PRMT1: variants seen among roughly 807,000 people sequenced by gnomAD.
PRMT1 encodes protein arginine N-methyltransferase 1.
A neutral mutation model predicts 47.4 loss-of-function variants in PRMT1; 5 were observed. The observed-to-expected ratio is 0.11, with a 90% CI of 0.06 to 0.22. The LOEUF is 0.22. Ranked by LOEUF, PRMT1 falls within the 10% of genes least tolerant of loss-of-function variation. PRMT1 has a pLI of 1.00. For synonymous variants in PRMT1, 227 were observed against 204.6 expected (o/e 1.11, Z -0.94); for missense variants, 249 against 518.4 (o/e 0.48, Z 5.05).
Position 49,684,939 on chromosome 19 carries a change from G to A in PRMT1, c.661G>A (p.Gly221Ser). ...CTCCCCAGGGTGGGAGAACGTGTAT[G>A]GCTTCGACATGTCTTGCATCAAAGA... ...YKIHWWENVY[G>S]FDMSCIKDVA... Residue 221 changes from glycine to serine, a missense_variant, in exon 8 of 11, where the codon GGC becomes AGC. By Grantham distance (56) the Gly-to-Ser change is moderately conservative. Transcript: ENST00000454376. This position sits in a 1 kb window ranked among gnomAD's most constrained non-coding sequence, Gnocchi z 6.2. 6.2e-7 allele frequency: 1 copy of A among 1,600,334 alleles called. No homozygotes were observed.
Position 49,686,666 on chromosome 19 carries a change from C to A in PRMT1, c.972C>A (p.Thr324=). 1 of 1,612,244 alleles carries A rather than the reference C, an allele frequency of 6.2e-7. No individual in the cohort carries two copies. Among genetic ancestry groups the A allele is most frequent in the Non-Finnish European group, 8.5e-7 (1 of 1,179,524 alleles). Residue 324 remains threonine (T), a synonymous_variant, in exon 10 of 11, where the codon ACC becomes ACA. Coordinates refer to ENST00000454376, the MANE Select transcript of PRMT1 (RefSeq NM_001536.6). ...TGTTCTACATGGAGGACTACCTGAC[C>A]GTGAAGACGGGCGAGGAGATCTTCG... The part of the protein sequence containing the change: ...QTVFYMEDYL[T]VKTGEEIFGT...
rs1208322725 is a variant in PRMT1, at chr19:49,684,867, G to A, written c.643+26G>A. On this transcript the variant is annotated intron_variant, in intron 7 of 10. Transcript: ENST00000454376. This position sits in a 1 kb window ranked among gnomAD's most constrained non-coding sequence, Gnocchi z 6.2. Reference sequence around the variant, plus strand: ...GTGAGCGCGGCCCGGGAGCTGGCGGGCGGGGCCTCGGGTGGGCTGCTGCGG... The same window carrying A: ...GTGAGCGCGGCCCGGGAGCTGGCGGACGGGGCCTCGGGTGGGCTGCTGCGG... 1.9e-6 allele frequency: 3 copies of A among 1,611,238 alleles called. No individual in the cohort carries two copies. In the African/African-American group the frequency reaches 4.0e-5, roughly 22 times the overall value.
At chr19:49,682,531 C>T (rs558121682) in intron 5 of PRMT1, among the ~76,000 whole-genome samples, 3 of 152,326 alleles carry the variant, frequency 2.0e-5, no homozygotes, top group Admixed American at 6.5e-5. Flanking sequence ...CAGTGAGAAG[C>T]CTTCCCTGTT....
At chr19:49,677,179 C>A, upstream of PRMT1, 2 of 1,165,042 alleles carry the variant, frequency 1.7e-6, no homozygotes, top group Non-Finnish European at 2.2e-6. Context: ...CCAGCGGGGT[C>A]GCGGTAGGCG....
At chr19:49,686,805 A>AATGGTGGC (rs1317573944) in intron 10 of PRMT1, 79 bp downstream of exon 10, 3 of 50,274 alleles carry the variant, frequency 6.0e-5, no homozygotes, top group Non-Finnish European at 1.0e-4. Flanking sequence ...GTGGGGGAGG[A>AATGGTGGC]ATGGTGGCAG....
At chr19:49,677,248 T>C (rs771084315), upstream of PRMT1, 6 of 1,414,368 alleles carry the variant, frequency 4.2e-6, no homozygotes, top group Admixed American at 5.5e-5. Flanking sequence ...GGGGGGGTCT[T>C]GGCGGCCGGA....
At position 49,686,591 on chromosome 19, in the gene PRMT1, G is replaced by T. The variant is rs373083320; in HGVS notation, c.911-14G>T. 6.2e-6 allele frequency: 10 copies of T among 1,607,330 alleles called. No homozygotes were observed. In the African/African-American group the frequency reaches 1.1e-4, roughly 17 times the overall value. The stretch of plus-strand genomic sequence containing the variant: ...GCAGCAGGCCGAGGCCGGCTGACCC[G>T]CCCGCGCCCCCAGGCCCCGAGTCCC... On this transcript the variant is annotated splice_polypyrimidine_tract_variant and intron_variant, in intron 9 of 10. Coordinates refer to ENST00000454376, the MANE Select transcript of PRMT1 (RefSeq NM_001536.6).
chr19:49,685,923 C>T lies in PRMT1; in HGVS notation c.760-170C>T, dbSNP rs76192820. On this transcript the variant is annotated intron_variant, in intron 8 of 10. Coordinates refer to ENST00000454376, the MANE Select transcript of PRMT1 (RefSeq NM_001536.6). This position sits in a 1 kb window ranked among gnomAD's most constrained non-coding sequence, Gnocchi z 4.7. ...CGAACCCACATGGTTTATTGGGAGCCGGATAGGCAGGATGCAGAGTGAAGG... is the reference window on the plus strand; with the variant it reads ...CGAACCCACATGGTTTATTGGGAGCTGGATAGGCAGGATGCAGAGTGAAGG... 2.0e-3 allele frequency: 2,891 copies of T among 1,430,034 alleles called. 54 individuals are homozygous for T. The African/African-American group carries it at 0.035, about 18-fold the overall frequency. 88.6% of individuals were successfully genotyped at this position (1,430,034 alleles called of 1,614,324 possible).
chr19:49,681,260 G>A lies in PRMT1; in HGVS notation c.193-650G>A, dbSNP rs1287520604. Among the ~76,000 whole-genome samples, 2 of 152,112 alleles carry A rather than the reference G, an allele frequency of 1.3e-5. No individual in the cohort carries two copies. Among genetic ancestry groups the A allele is most frequent in the Admixed American group, 6.5e-5 (1 of 15,276 alleles). On this transcript the variant is annotated intron_variant, in intron 3 of 10. Transcript: ENST00000454376. The surrounding 1 kb of genome is among the most constrained non-coding windows in gnomAD (Gnocchi z 4.4). ...GAGATAATCTTGCCTTGTTGCCCAG[G>A]CTGGTCTCAAACTCTTGGGATCAAG... is the stretch of plus-strand genomic sequence containing the variant.
chr19:49,684,142 T>G lies in PRMT1; in HGVS notation c.555+73T>G. The G allele has an allele frequency of 6.3e-7, 1 of 1,584,008 alleles. No homozygotes were observed. Among genetic ancestry groups the G allele is most frequent in the African/African-American group, 1.3e-5 (1 of 74,404 alleles). On this transcript the variant is annotated intron_variant, in intron 6 of 10. Transcript: ENST00000454376. The surrounding 1 kb of genome is among the most constrained non-coding windows in gnomAD (Gnocchi z 6.2). ...GTAGAAGACGAAAACCACGCTCAAT[T>G]TTTCCCACAGACGGGACTTACTGTG...
Position 49,679,924 on chromosome 19 carries a change from A to T in PRMT1, c.89A>T (p.Glu30Val). ...ATGAGCCTCCAGCCGCCTCTTGAAG[A>T]AGTAAATATCCTTTTGTGAGACCCC... ...NGMSLQPPLE[E>V]VSCGQAESSE... The change falls in exon 2 of 11, where the codon GAA becomes GTA. Residue 30 changes from glutamate (E) to valine (V), a missense_variant and splice_region_variant. Coordinates refer to ENST00000454376, the MANE Select transcript of PRMT1 (RefSeq NM_001536.6). 1 of 1,611,580 alleles carries T rather than the reference A, an allele frequency of 6.2e-7. No individual in the cohort carries two copies. The highest frequency in any genetic ancestry group is 1.1e-5 in the South Asian group (1 of 90,740).
Position 49,684,659 on chromosome 19 carries a change from G to A in PRMT1, c.556-95G>A. ...GTGAGTGCCGCTGCGACATGAGGGT[G>A]GCCCAGACCAGGGCAGGAGGCCACA... On this transcript the variant is annotated intron_variant, in intron 6 of 10. Transcript: ENST00000454376. This position sits in a 1 kb window ranked among gnomAD's most constrained non-coding sequence, Gnocchi z 6.2. 1 of 1,344,332 alleles carries A rather than the reference G, an allele frequency of 7.4e-7. No homozygotes were observed. Among genetic ancestry groups the A allele is most frequent in the Non-Finnish European group, 1.0e-6 (1 of 970,156 alleles). 83.3% of individuals were successfully genotyped at this position (1,344,332 alleles called of 1,614,324 possible). A position where few individuals can be genotyped will look rare whatever the true frequency, so the allele number is the denominator to read the frequency against.
rs2082120993 is a variant in PRMT1, at chr19:49,681,708, A to C, written c.193-202A>C. Among the ~76,000 whole-genome samples the C allele has an allele frequency of 6.6e-6, 1 of 152,182 alleles. No individual in the cohort carries two copies. The highest frequency in any genetic ancestry group is 1.5e-5 in the Non-Finnish European group (1 of 68,038). On this transcript the variant is annotated intron_variant, in intron 3 of 10. Transcript: ENST00000454376. The surrounding 1 kb of genome is among the most constrained non-coding windows in gnomAD (Gnocchi z 4.4). The stretch of plus-strand genomic sequence containing the variant: ...AGCTGAGATTGCACCATTGCACTCC[A>C]GCCTGGGCAACAGAGTGAGATTCCA...
At chr19:49,682,327 T>G in intron 5 of PRMT1, 68 bp downstream of exon 5, 1 of 1,513,786 alleles carries the variant, frequency 6.6e-7, no homozygotes, top group Non-Finnish European at 9.1e-7. Context: ...CAGGGCCCTC[T>G]GAAGAGCAGT....
chr19:49,681,999 C>CGTCG lies in PRMT1; in HGVS notation c.284_287dup (p.Ser97ArgfsTer29). ...TCTTCAAGGACAAGGTGGTGCTGGA[C>CGTCG]GTCGGCTCGGGCACCGGCATCCTCT... On this transcript the variant is annotated frameshift_variant, in exon 4 of 11. Transcript: ENST00000454376. LOFTEE classifies it high-confidence loss of function. This position sits in a 1 kb window ranked among gnomAD's most constrained non-coding sequence, Gnocchi z 4.4. The CGTCG allele has an allele frequency of 1.9e-6, 3 of 1,614,174 alleles. No individual in the cohort carries two copies. Among genetic ancestry groups the CGTCG allele is most frequent in the Non-Finnish European group, 2.5e-6 (3 of 1,180,026 alleles).
rs946105819 is a variant in PRMT1 at position 49,681,770 on chromosome 19, A to T, written c.193-140A>T. ...AAAATAAAATAAAAATAAATAAATGAATAAATATAAAAGGGAAACTGAGGT... is the reference window on the plus strand; with the variant it reads ...AAAATAAAATAAAAATAAATAAATGTATAAATATAAAAGGGAAACTGAGGT... On this transcript the variant is annotated intron_variant, in intron 3 of 10. Transcript: ENST00000454376. This position sits in a 1 kb window ranked among gnomAD's most constrained non-coding sequence, Gnocchi z 4.4. 3.6e-6 allele frequency: 2 copies of T among 555,926 alleles called. No homozygotes were observed. The highest frequency in any genetic ancestry group is 5.4e-6 in the Non-Finnish European group (2 of 367,002). 34.4% of individuals were successfully genotyped at this position (555,926 alleles called of 1,614,324 possible).
rs371303762 is a variant in PRMT1 at position 49,686,714 on chromosome 19, C to T, written c.1020C>T (p.Asn340=). 1.9e-5 allele frequency: 31 copies of T among 1,611,466 alleles called. No homozygotes were observed. The highest frequency in any genetic ancestry group is 1.8e-4 in the Middle Eastern group (1 of 5,678). Residue 340 remains asparagine (N), a synonymous_variant, in exon 10 of 11, where the codon AAC becomes AAT. Transcript: ENST00000454376. ...TCGGCACCATCGGCATGCGGCCCAACGCCAAGAACAACGTGAGGCTCCGGG... is the reference window on the plus strand; with the variant it reads ...TCGGCACCATCGGCATGCGGCCCAATGCCAAGAACAACGTGAGGCTCCGGG... ...EIFGTIGMRP[N]AKNNRDLDFT...
In PRMT1 at chr19:49,682,017, C is replaced by T; in HGVS notation, c.300C>T (p.Gly100=). 1 of 1,614,204 alleles carries T rather than the reference C, an allele frequency of 6.2e-7. No individual in the cohort carries two copies. Among genetic ancestry groups the T allele is most frequent in the Non-Finnish European group, 8.5e-7 (1 of 1,180,044 alleles). The change falls in exon 4 of 11, where the codon GGC becomes GGT. Residue 100 remains glycine, a synonymous_variant. Transcript: ENST00000454376. ...KVVLDVGSGT[G]ILCMFAAKAG... is the part of the protein sequence containing the mutation. Reference sequence around the variant, plus strand: ...TGCTGGACGTCGGCTCGGGCACCGGCATCCTCTGCATGTTTGCTGCCAAGG... The same window carrying T: ...TGCTGGACGTCGGCTCGGGCACCGGTATCCTCTGCATGTTTGCTGCCAAGG...
At position 49,685,663 on chromosome 19, in the gene PRMT1, G is replaced by A. The variant is rs1011080345; in HGVS notation, c.760-430G>A. On this transcript the variant is annotated intron_variant, in intron 8 of 10. Coordinates refer to ENST00000454376, the MANE Select transcript of PRMT1 (RefSeq NM_001536.6). The surrounding 1 kb of genome is among the most constrained non-coding windows in gnomAD (Gnocchi z 4.7). ...GAGTAAGTTGTTGAGTGGGGGAGGA[G>A]AGGAGACTACAGGGGCAGGGACCCC... The A allele has an allele frequency of 1.4e-5, 14 of 1,028,988 alleles. No homozygotes were observed. The African/African-American group carries it at 1.5e-4, about 11-fold the overall frequency. 63.7% of individuals were successfully genotyped at this position (1,028,988 alleles called of 1,614,324 possible).
Sources: gnomAD v4.1 joint callset for allele counts (sites outside exome capture counted in the v4.1 genomes callset) on GRCh38, gnomAD v4.1.1 for gene constraint, Gnocchi (gnomAD v3.1) non-coding constraint, MANE v1.5 for transcripts, NCBI Gene and HGNC (gene_info 2026-07-23, HGNC 2026-07-21) for gene names.